The following PRR14L variants were observed in gnomAD, a reference collection of about 807,000 sequenced individuals.
The protein encoded by PRR14L is proline rich 14 like.
PRR14L carries 80 observed loss-of-function variants against 155.0 expected under a neutral mutation model. That is an observed-to-expected ratio of 0.52 (90% CI 0.43 to 0.62). The LOEUF (loss-of-function observed/expected upper bound fraction) is 0.62. PRR14L is among the 20% of genes least tolerant of loss of function. The pLI is 0.00. For missense variants in PRR14L, 2,469 were observed against 2,548.0 expected (o/e 0.97, Z 0.67); for synonymous variants, 883 against 916.0 (o/e 0.96, Z 0.65).
chr22:31,728,429 A>T (rs891414254), intron 2 of PRR14L, among the ~76,000 whole-genome samples: 2 of 152,028 alleles, frequency 1.3e-5, no homozygotes, highest in Non-Finnish European at 2.9e-5. Context: ...TCTGACCAAC[A>T]TGGAGAAACC....
chr22:31,747,023 C>G (rs2074842321), intron 1 of PRR14L, among the ~76,000 whole-genome samples: 1 of 151,956 alleles, frequency 6.6e-6, no homozygotes, highest in Admixed American at 6.6e-5. Flanking sequence ...CCAGGATGGT[C>G]TTGATCTCCT....
In PRR14L at chr22:31,715,502, G is replaced by A. The variant is rs760772143; in HGVS notation, c.2337C>T (p.Ser779=). 23 of 1,552,084 alleles carry A rather than the reference G, an allele frequency of 1.5e-5. No homozygotes were observed. The highest frequency in any genetic ancestry group is 1.9e-5 in the Non-Finnish European group (22 of 1,147,064). The part of the protein sequence containing the change: ...PQVVSVIECH[S]VQSQDISSCH... ...AGCTAGAGATATCCTGAGATTGAAC[G>A]CTGTGACATTCTATGACAGAGACCA... The change falls in exon 4 of 9, where the codon AGC becomes AGT. Residue 779 remains serine, a synonymous_variant. Transcript: ENST00000327423.
intron 4 of PRR14L, among the ~76,000 whole-genome samples, chr22:31,708,350 A>T (rs1221122919): frequency 6.6e-6 from 1 of 151,796 alleles, no homozygotes; most frequent in African/African-American, 2.4e-5. Context: ...TTTTTGAGAC[A>T]GAGTCTCACT....
Position 31,716,296 on chromosome 22 carries a change from A to G in PRR14L, c.1543T>C (p.Leu515=). The G allele has an allele frequency of 6.4e-7, 1 of 1,551,678 alleles. No individual in the cohort carries two copies. The highest frequency in any genetic ancestry group is 8.7e-7 in the Non-Finnish European group (1 of 1,146,976). ...GHSEESSFSS[L]MQIEEAGQTT... is the part of the protein sequence containing the mutation. ...TGTCCTGCCTCTTCAATCTGCATCA[A>G]GGAGGAAAAACTGCTTTCTTCAGAG... is the stretch of plus-strand genomic sequence containing the variant. The change falls in exon 4 of 9, where the codon TTG becomes CTG. Residue 515 remains leucine (L), a synonymous_variant. Transcript: ENST00000327423.
rs958353062 is a variant in PRR14L at position 31,716,342 on chromosome 22, A to G, written c.1497T>C (p.Asn499=). The G allele has an allele frequency of 2.5e-5, 39 of 1,551,188 alleles. No individual in the cohort carries two copies. Among genetic ancestry groups the G allele is most frequent in the Non-Finnish European group, 3.0e-5 (34 of 1,146,890 alleles). The change falls in exon 4 of 9, where the codon AAT becomes AAC. Residue 499 remains asparagine (N), a synonymous_variant. Transcript: ENST00000327423. ...CAGAGTGTCCACCAGGATGGCTCAT[A>G]TTAGTAAAAGTTTCTTTATGGTCCT... is the stretch of plus-strand genomic sequence containing the variant. ...NPEDHKETFT[N]MSHPGGHSEE...
At position 31,689,815 on chromosome 22, in the gene PRR14L, C is replaced by T. The variant is rs1042810213; in HGVS notation, c.6108-1588G>A. On this transcript the variant is annotated intron_variant, in intron 7 of 8. Transcript: ENST00000327423. ...AGACTGGAGTGCAATGGCGCGATCT[C>T]AGCTCACTGCAATCTCCACCACCCG... Among the ~76,000 whole-genome samples the T allele has an allele frequency of 5.3e-4, 81 of 152,256 alleles. 1 individual carries two copies. The highest frequency in any genetic ancestry group is 3.4e-3 in the Middle Eastern group (1 of 294).
intron 7 of PRR14L, among the ~76,000 whole-genome samples, chr22:31,691,872 CTT>C (rs781640481): frequency 9.0e-5 from 13 of 144,012 alleles, no homozygotes; most frequent in Non-Finnish European, 9.2e-5. Flanking sequence ...TTTTCAATTC[CTT>C]TTTTTTTTTT....
At chr22:31,699,184 G>A (rs2147856119) in intron 7 of PRR14L, among the ~76,000 whole-genome samples, 1 of 152,118 alleles carries the variant, frequency 6.6e-6, no homozygotes, top group East Asian at 2.0e-4. Flanking sequence ...TTACAGGCGT[G>A]TGCCACTACC....
intron 3 of PRR14L, among the ~76,000 whole-genome samples, chr22:31,720,218 A>C (rs1214949198): frequency 2.0e-5 from 3 of 152,182 alleles, no homozygotes; most frequent in Non-Finnish European, 1.5e-5. Context: ...ACTGGACCTG[A>C]GAACAGTTAA....
At chr22:31,698,758 A>G (rs1042854300) in intron 7 of PRR14L, among the ~76,000 whole-genome samples, 9 of 151,592 alleles carry the variant, frequency 5.9e-5, no homozygotes, top group African/African-American at 2.2e-4. Context: ...ATCTCTACTA[A>G]AAAAATACAA....
chr22:31,716,926 C>G lies in PRR14L; in HGVS notation c.913G>C (p.Val305Leu). 6.4e-7 allele frequency: 1 copy of G among 1,552,020 alleles called. No homozygotes were observed. The highest frequency in any genetic ancestry group is 8.7e-7 in the Non-Finnish European group (1 of 1,147,058). Residue 305 changes from valine to leucine, a missense_variant, in exon 4 of 9, where the codon GTC becomes CTC. By Grantham distance (32) the Val-to-Leu change is conservative (BLOSUM62 1). Transcript: ENST00000327423. ...GKEELCKPNL[V>L]CEADDNHQQL... is the part of the protein sequence containing the mutation. Reference sequence around the variant, plus strand: ...TGGTGATTGTCATCTGCTTCACAGACCAGGTTTGGTTTACACAACTCTTCC... The same window carrying G: ...TGGTGATTGTCATCTGCTTCACAGAGCAGGTTTGGTTTACACAACTCTTCC...
In PRR14L at chr22:31,724,333, T is replaced by C. The variant is rs916604483; in HGVS notation, c.547+1205A>G. ...CCCCACCAGATCTGTGGAAAAACTG[T>C]CTTGCACGAAACAGGTTCCTGACTC... On this transcript the variant is annotated intron_variant, in intron 3 of 8. Coordinates refer to ENST00000327423, the MANE Select transcript of PRR14L (RefSeq NM_173566.3). Among the ~76,000 whole-genome samples, 3 of 152,316 alleles carry C rather than the reference T, an allele frequency of 2.0e-5. No individual in the cohort carries two copies. The East Asian group carries it at 5.8e-4, about 29-fold the overall frequency.
chr22:31,741,252 C>CAAAA (rs139593821), intron 1 of PRR14L, among the ~76,000 whole-genome samples: 5 of 25,694 alleles, frequency 1.9e-4, no homozygotes, highest in African/African-American at 3.3e-4. Context: ...GGCTCTGTCT[C>CAAAA]AAAAAAAAAA....
In PRR14L at chr22:31,685,107, C is replaced by T. The variant is rs2074476077; in HGVS notation, c.*420G>A. The stretch of plus-strand genomic sequence containing the variant: ...GGACGCCAGGTCCCCCTCCCTAGGC[C>T]ACGTTTCTAATAATCTTGGTCTAGC... On this transcript the variant is annotated 3_prime_UTR_variant, in exon 9 of 9. Coordinates refer to ENST00000327423, the MANE Select transcript of PRR14L (RefSeq NM_173566.3). 5.8e-6 allele frequency: 1 copy of T among 172,962 alleles called. No individual in the cohort carries two copies. 10.7% of individuals were successfully genotyped at this position (172,962 alleles called of 1,614,324 possible). A position where few individuals can be genotyped will look rare whatever the true frequency, so the allele number is the denominator to read the frequency against.
chr22:31,716,685 C>T lies in PRR14L; in HGVS notation c.1154G>A (p.Gly385Glu). 1.9e-6 allele frequency: 3 copies of T among 1,551,748 alleles called. No individual in the cohort carries two copies. The highest frequency in any genetic ancestry group is 2.7e-5 in the African/African-American group (2 of 73,108). ...EKTDSSYFYR[G>E]DDQGKNLASR... is the part of the protein sequence containing the mutation. ...AGCCAAGTTCTTCCCTTGATCATCC[C>T]CCCTATAAAAATAAGAACTGTCTGT... Residue 385 changes from glycine (G) to glutamate (E), a missense_variant, in exon 4 of 9, where the codon GGG (glycine) becomes GAG (glutamate). Gly to Glu is a moderately conservative substitution (Grantham distance 98). This residue lies in a region of PRR14L where 2,363 missense variants were observed against 2,371.6 expected (regional missense o/e 1.00). Coordinates refer to ENST00000327423, the MANE Select transcript of PRR14L (RefSeq NM_173566.3).
chr22:31,723,691 G>A (rs1479563131), intron 3 of PRR14L, among the ~76,000 whole-genome samples: 1 of 152,222 alleles, frequency 6.6e-6, no homozygotes, highest in Admixed American at 6.5e-5. Context: ...AAGCCTCTGA[G>A]CCACAGAAGA....
At chr22:31,736,232 A>AG (rs1569500702) in intron 2 of PRR14L, among the ~76,000 whole-genome samples, 1 of 151,428 alleles carries the variant, frequency 6.6e-6, no homozygotes, top group African/African-American at 2.4e-5. Flanking sequence ...AAAAAAAAAA[A>AG]AAAATTAGCC....
At position 31,717,215 on chromosome 22, in the gene PRR14L, C is replaced by T. The variant is rs1296189077; in HGVS notation, c.624G>A (p.Lys208=). Reference sequence around the variant, plus strand: ...TTTTGTGTCCTTCATTATTATCCGTCTTAGTCCCATTGACCTTCATACCTT... The same window carrying T: ...TTTTGTGTCCTTCATTATTATCCGTTTTAGTCCCATTGACCTTCATACCTT... ...EVQGMKVNGT[K]TDNNEGHKNG... The change falls in exon 4 of 9, where the codon AAG becomes AAA. Residue 208 remains lysine, a synonymous_variant. Coordinates refer to ENST00000327423, the MANE Select transcript of PRR14L (RefSeq NM_173566.3). The T allele has an allele frequency of 6.4e-7, 1 of 1,551,896 alleles. No individual in the cohort carries two copies. The highest frequency in any genetic ancestry group is 1.4e-5 in the African/African-American group (1 of 73,038).
chr22:31,705,577 T>A (rs918176878), intron 4 of PRR14L, among the ~76,000 whole-genome samples: 10 of 152,118 alleles, frequency 6.6e-5, no homozygotes, highest in African/African-American at 2.4e-4. Flanking sequence ...TTTCACCATA[T>A]TGGCCAGGCT....
Sources: gnomAD v4.1 joint callset for allele counts (sites outside exome capture counted in the v4.1 genomes callset) on GRCh38, gnomAD v4.1.1 for gene constraint, gnomAD v4.1.1 regional missense constraint, MANE v1.5 for transcripts, NCBI Gene and HGNC (gene_info 2026-07-23, HGNC 2026-07-21) for gene names.